Variants in NCOR2 observed in about 807,000 individuals in gnomAD.
NCOR2 encodes the protein CTG repeat protein 26.
In NCOR2, 81 loss-of-function variants were observed where a neutral mutation model predicts 262.9. The observed-to-expected ratio is 0.31, with a 90% confidence interval of 0.26 to 0.37. The LOEUF is 0.37. Ranked by LOEUF, NCOR2 falls within the 10% of genes least tolerant of loss-of-function variation. The pLI is 1.00. For missense variants in NCOR2, 3,385 were observed against 3,621.4 expected, an observed-to-expected ratio of 0.93 and a Z score of 1.68; for synonymous variants, 1,659 against 1,559.3, an observed-to-expected ratio of 1.06 and a Z score of -1.51.
chr12:124,466,224 G>A (rs1410837527), exon 5 of NCOR2: 26 of 1,610,584 alleles, frequency 1.6e-5, no homozygotes, highest in Non-Finnish European at 2.2e-5. Context: ...TCGACTCGAT[G>A]GGCGGCGGTG....
Position 124,531,053 on chromosome 12 carries a change from C to T in NCOR2, c.-118+4512G>A, listed in dbSNP as rs893451747. Among the ~76,000 whole-genome samples the T allele has an allele frequency of 3.3e-5, 5 of 152,166 alleles. No homozygotes were observed. The highest frequency in any genetic ancestry group is 9.7e-5 in the African/African-American group (4 of 41,440). The stretch of plus-strand genomic sequence containing the variant: ...CAGGACACGGTTCCTGGGCTCCACC[C>T]AACCCGCCTCTCCCAGGGAAGCAGG... On this transcript the variant is annotated intron_variant, in intron 1 of 46. Coordinates refer to the NCOR2 transcript ENST00000404621. The surrounding 1 kb of genome is among the most constrained non-coding windows in gnomAD (Gnocchi z 4.5).
chr12:124,362,956 G>A (rs2038727237), intron 21 of NCOR2, among the ~76,000 whole-genome samples: 1 of 152,244 alleles, frequency 6.6e-6, no homozygotes, highest in Non-Finnish European at 1.5e-5. Flanking sequence ...GCCTGGTGAT[G>A]GACAGGGGGA....
At chr12:124,333,369 C>T in intron 41 of NCOR2, 90 bp from the exon 44 acceptor site, 2 of 1,252,818 alleles carry the variant, frequency 1.6e-6, no homozygotes, top group Non-Finnish European at 2.1e-6. Context: ...GCCCCACACG[C>T]TTTTCCTGTA....
chr12:124,543,882 C>T (rs758053359), intron 1 of NCOR2, among the ~76,000 whole-genome samples: 4 of 152,234 alleles, frequency 2.6e-5, no homozygotes, highest in African/African-American at 7.2e-5. Context: ...GACAGCCCCT[C>T]GGTGCCTGAA....
At chr12:124,559,587 T>C (rs2052003080) in intron 1 of NCOR2, among the ~76,000 whole-genome samples, 1 of 152,136 alleles carries the variant, frequency 6.6e-6, no homozygotes, top group Non-Finnish European at 1.5e-5. Context: ...GCAACAAGTG[T>C]TTTCCTTTGC....
chr12:124,482,469 G>T lies in NCOR2; in HGVS notation c.411+1127C>A, dbSNP rs1225196939. On this transcript the variant is annotated intron_variant, in intron 3 of 46. Coordinates refer to ENST00000405201, the Ensembl canonical transcript of NCOR2. The surrounding 1 kb of genome is among the most constrained non-coding windows in gnomAD (Gnocchi z 6.3). ...AGTCTGGCCCAGGTGGCCTGGCCCC[G>T]CAGCCAGACCACCACCCATGCCGGC... is the stretch of plus-strand genomic sequence containing the variant. Among the ~76,000 whole-genome samples the T allele has an allele frequency of 1.3e-5, 2 of 152,100 alleles. No individual in the cohort carries two copies. Among genetic ancestry groups the T allele is most frequent in the Non-Finnish European group, 2.9e-5 (2 of 68,006 alleles).
intron 40 of NCOR2, 179 bp from the exon 43 acceptor site, chr12:124,334,796 G>A: frequency 1.7e-6 from 1 of 595,672 alleles, no homozygotes; most frequent in Non-Finnish European, 3.0e-6. Flanking sequence ...TGGGAGTGGG[G>A]CTGTGGTCAG....
intron 3 of NCOR2, among the ~76,000 whole-genome samples, chr12:124,476,205 G>A (rs1312665312): frequency 6.6e-6 from 1 of 152,136 alleles, no homozygotes; most frequent in Non-Finnish European, 1.5e-5. Flanking sequence ...TACCCAGAGT[G>A]CCCAACACCC....
In NCOR2 at chr12:124,503,776, A is replaced by ATGGT. The variant is rs2048905763; in HGVS notation, c.-117-8409_-117-8408insACCA. Among the ~76,000 whole-genome samples, 1 of 151,994 alleles carries ATGGT rather than the reference A, an allele frequency of 6.6e-6. No homozygotes were observed. The highest frequency in any genetic ancestry group is 2.1e-4 in the South Asian group (1 of 4,818). On this transcript the variant is annotated intron_variant, in intron 1 of 46. Transcript: ENST00000404621. This position sits in a 1 kb window ranked among gnomAD's most constrained non-coding sequence, Gnocchi z 4.3. ...GATGCATGGATGGATGGATGGATGGATGGGCGGATGGATGCACACACTCAT... is the reference window on the plus strand; with the variant it reads ...GATGCATGGATGGATGGATGGATGGATGGTTGGGCGGATGGATGCACACACTCAT...
intron 17 of NCOR2, among the ~76,000 whole-genome samples, chr12:124,379,001 G>A (rs1462494871): frequency 1.3e-5 from 2 of 152,192 alleles, no homozygotes; most frequent in African/African-American, 2.4e-5. Context: ...TCAGAGGGTC[G>A]CGTGGGTGAA....
At chr12:124,390,237 C>G (rs1327360270) in intron 16 of NCOR2, among the ~76,000 whole-genome samples, 1 of 152,200 alleles carries the variant, frequency 6.6e-6, no homozygotes. Context: ...CTTCCAGTGA[C>G]CACATGAAGC....
intron 41 of NCOR2, 88 bp from the exon 44 acceptor site, chr12:124,333,367 C>T (rs953782337): frequency 1.4e-5 from 18 of 1,260,488 alleles, no homozygotes; most frequent in South Asian, 1.0e-4. Context: ...GGGCCCCACA[C>T]GCTTTTCCTG....
chr12:124,469,712 A>G (rs1481029338), intron 4 of NCOR2, among the ~76,000 whole-genome samples: 1 of 152,178 alleles, frequency 6.6e-6, no homozygotes, highest in Non-Finnish European at 1.5e-5. Context: ...CTACCTCATA[A>G]GGTTGTTTGG....
At position 124,503,507 on chromosome 12, in the gene NCOR2, TGGA is replaced by T. The variant is rs2048859230; in HGVS notation, c.-117-8142_-117-8140del. 6.7e-6 allele frequency among the ~76,000 whole-genome samples: 1 copy of T among 149,922 alleles called. No homozygotes were observed. Among genetic ancestry groups the T allele is most frequent in the African/African-American group, 2.5e-5 (1 of 40,458 alleles). The stretch of plus-strand genomic sequence containing the variant: ...GATGATGGATTGATGGATGGATGGA[TGGA>T]TGGACAGAGGATGGACAGATGAATG... On this transcript the variant is annotated intron_variant, in intron 1 of 46. Transcript: ENST00000404621. This position sits in a 1 kb window ranked among gnomAD's most constrained non-coding sequence, Gnocchi z 4.3.
intron 29 of NCOR2, 97 bp downstream of exon 31, chr12:124,348,077 G>C: frequency 6.4e-7 from 1 of 1,563,440 alleles, no homozygotes; most frequent in Non-Finnish European, 8.7e-7. Flanking sequence ...GCCTCAGAAA[G>C]CCCAGCCTCG....
chr12:124,413,923 C>T (rs1025442589), intron 13 of NCOR2, among the ~76,000 whole-genome samples: 1 of 151,198 alleles, frequency 6.6e-6, no homozygotes, highest in Non-Finnish European at 1.5e-5. Flanking sequence ...GGTACTGAGC[C>T]CCCCCCACCC....
chr12:124,465,968 GC>G (rs2046393401), intron 5 of NCOR2, among the ~76,000 whole-genome samples: 2 of 152,332 alleles, frequency 1.3e-5, no homozygotes, highest in Middle Eastern at 3.4e-3. Flanking sequence ...GAGTGTCTGA[GC>G]AGAACAGCCC....
At chr12:124,513,944 T>C (rs1326795416) in intron 1 of NCOR2, 1 of 152,138 alleles carries the variant, frequency 6.6e-6, no homozygotes, top group Non-Finnish European at 1.5e-5. Flanking sequence ...AGGCCCCATT[T>C]ATGGGGAGGG....
intron 1 of NCOR2, among the ~76,000 whole-genome samples, chr12:124,560,727 T>C (rs1294080584): frequency 6.6e-6 from 1 of 152,228 alleles, no homozygotes; most frequent in Non-Finnish European, 1.5e-5. Context: ...AAGCTGTGAC[T>C]GCCTCGGGGA....
Sources: allele counts gnomAD v4.1 joint callset (sites outside exome capture counted in the v4.1 genomes callset), GRCh38; gene constraint gnomAD v4.1.1; non-coding constraint Gnocchi (gnomAD v3.1); transcripts MANE v1.5; gene names NCBI Gene and HGNC (gene_info 2026-07-23, HGNC 2026-07-21).